CDC42SE2: variants seen among roughly 807,000 people sequenced by gnomAD.
The protein encoded by CDC42SE2 is CDC42 small effector protein 2.
In CDC42SE2, 3 loss-of-function variants were observed where a neutral mutation model predicts 11.5. The observed-to-expected ratio is 0.26, with a 90% CI of 0.12 to 0.67. The LOEUF is 0.67. Ranked by LOEUF, CDC42SE2 falls within the 30% of genes least tolerant of loss-of-function variation. The probability of loss-of-function intolerance (pLI) is 0.80; values close to 1 mark genes in which losing one functional copy is unlikely to be tolerated. For missense variants in CDC42SE2, 82 were observed against 106.8 expected, an observed-to-expected ratio of 0.77 and a Z score of 1.02; for synonymous variants, 33 against 34.8, an observed-to-expected ratio of 0.95 and a Z score of 0.18.
At chr5:131,218,013 A>G in the CDC42SE2 span, among the ~76,000 whole-genome samples, 1 of 152,116 alleles carries the variant, frequency 6.6e-6, no homozygotes, top group Admixed American at 6.5e-5. Flanking sequence ...TGTCCCTACA[A>G]AAATTGCAAA....
At position 131,393,436 on chromosome 5, in the gene CDC42SE2, A is replaced by T. The variant is rs1403216370; in HGVS notation, c.*2345A>T. 2 of 152,370 alleles carry T rather than the reference A, an allele frequency of 1.3e-5. No individual in the cohort carries two copies. Among genetic ancestry groups the T allele is most frequent in the East Asian group, 3.7e-4 (2 of 5,334 alleles). 9.4% of individuals were successfully genotyped at this position (152,370 alleles called of 1,614,324 possible). ...GCACAGAGAGGATCTGCCAAGGAAAAACATTTGCATCTTCGGAGTAGACAT... is the reference window on the plus strand; with the variant it reads ...GCACAGAGAGGATCTGCCAAGGAAATACATTTGCATCTTCGGAGTAGACAT... On this transcript the variant is annotated 3_prime_UTR_variant, in exon 5 of 5. Coordinates refer to ENST00000505065, the MANE Select transcript of CDC42SE2 (RefSeq NM_001375635.1).
intron 1 of CDC42SE2, among the ~76,000 whole-genome samples, chr5:131,313,290 C>T (rs189761154): frequency 1.3e-3 from 204 of 152,162 alleles, no homozygotes; most frequent in Non-Finnish European, 2.2e-3. Flanking sequence ...CCCCTCTCTT[C>T]TTCCTTTTCT....
chr5:131,348,793 G>T (rs937598353), intron 2 of CDC42SE2, among the ~76,000 whole-genome samples: 2 of 152,056 alleles, frequency 1.3e-5, no homozygotes, highest in African/African-American at 2.4e-5. Flanking sequence ...CCAAAACAAA[G>T]ATATAGACCA....
chr5:131,262,618 T>G (rs1209178454), upstream of CDC42SE2, among the ~76,000 whole-genome samples: 1 of 152,142 alleles, frequency 6.6e-6, no homozygotes, highest in African/African-American at 2.4e-5. Flanking sequence ...GGATTGGCTC[T>G]AGGACCACGA....
chr5:131,343,232 G>A (rs1392696641), intron 2 of CDC42SE2, among the ~76,000 whole-genome samples: 2 of 151,966 alleles, frequency 1.3e-5, no homozygotes, highest in Non-Finnish European at 2.9e-5. Context: ...GAGGTGCCAG[G>A]AGACTGCAAG....
intron 3 of CDC42SE2, among the ~76,000 whole-genome samples, chr5:131,369,902 T>C (rs1455186129): frequency 6.6e-6 from 1 of 152,254 alleles, no homozygotes; most frequent in South Asian, 2.1e-4. Context: ...TTTGTTTTTA[T>C]GTTTAATTTC....
At chr5:131,225,214 A>G in the CDC42SE2 span, among the ~76,000 whole-genome samples, 1 of 152,168 alleles carries the variant, frequency 6.6e-6, no homozygotes, top group Non-Finnish European at 1.5e-5. Context: ...AACCTCTAAA[A>G]ACCCTGGAGA....
chr5:131,359,525 G>T lies in CDC42SE2; in HGVS notation c.32G>T (p.Cys11Phe). 1 of 1,613,364 alleles carries T rather than the reference G, an allele frequency of 6.2e-7. No individual in the cohort carries two copies. Among genetic ancestry groups the T allele is most frequent in the Admixed American group, 1.7e-5 (1 of 60,012 alleles). The change falls in exon 3 of 5, where the codon TGT becomes TTT. Residue 11 changes from cysteine (C) to phenylalanine (F), a missense_variant. By Grantham distance (205) the Cys-to-Phe change is radical (BLOSUM62 -2). Transcript: ENST00000505065. ...GAATTCTGGTTGTGTTTCAACTGCTGTATTGCAGAACAGCCTCAGCCTGTA... is the reference window on the plus strand; with the variant it reads ...GAATTCTGGTTGTGTTTCAACTGCTTTATTGCAGAACAGCCTCAGCCTGTA... The part of the protein sequence containing the change: MSEFWLCFNC[C>F]IAEQPQPKRR...
intron 3 of CDC42SE2, among the ~76,000 whole-genome samples, chr5:131,374,549 AAGTT>A (rs1750097053): frequency 1.3e-5 from 2 of 150,862 alleles, no homozygotes; most frequent in Admixed American, 6.6e-5. Context: ...AAAAAAAAAA[AAGTT>A]AAGCAGACAT....
chr5:131,336,010 TATG>T (rs1402339903), intron 2 of CDC42SE2, among the ~76,000 whole-genome samples: 1 of 152,240 alleles, frequency 6.6e-6, no homozygotes, highest in African/African-American at 2.4e-5. Flanking sequence ...ATCCTGTCGT[TATG>T]ATGTTAGCTG....
chr5:131,292,203 C>T (rs547687198), intron 1 of CDC42SE2, among the ~76,000 whole-genome samples: 1 of 132,568 alleles, frequency 7.5e-6, no homozygotes, highest in African/African-American at 3.0e-5. Flanking sequence ...TGTACCACTG[C>T]ACTCCAGCCT....
At chr5:131,380,610 G>A (rs1199979114) in intron 3 of CDC42SE2, among the ~76,000 whole-genome samples, 2 of 151,888 alleles carry the variant, frequency 1.3e-5, no homozygotes, top group Non-Finnish European at 2.9e-5. Context: ...ACTTCCACCT[G>A]TGTCTAGATC....
chr5:131,270,433 T>G (rs1446115335), intron 1 of CDC42SE2, among the ~76,000 whole-genome samples: 2 of 152,216 alleles, frequency 1.3e-5, no homozygotes, highest in Non-Finnish European at 2.9e-5. Flanking sequence ...TTCATTTGAC[T>G]TAATAAAACT....
chr5:131,292,387 G>T (rs1222299856), intron 1 of CDC42SE2, among the ~76,000 whole-genome samples: 1 of 147,376 alleles, frequency 6.8e-6, no homozygotes, highest in Admixed American at 6.8e-5. Flanking sequence ...GGCCAACATG[G>T]TGAAAACCCA....
intron 3 of CDC42SE2, among the ~76,000 whole-genome samples, chr5:131,361,631 A>G (rs537837260): frequency 1.3e-4 from 20 of 152,182 alleles, no homozygotes; most frequent in Non-Finnish European, 1.8e-4. Context: ...GGCTTTCTGT[A>G]TCCTGGGTTC....
At chr5:131,338,238 A>G (rs1191703724) in intron 2 of CDC42SE2, among the ~76,000 whole-genome samples, 1 of 152,244 alleles carries the variant, frequency 6.6e-6, no homozygotes, top group South Asian at 2.1e-4. Flanking sequence ...ACACCAGCAC[A>G]TGGCAGTCCT....
chr5:131,245,060 T>C (rs763236983), upstream of CDC42SE2, among the ~76,000 whole-genome samples: 21 of 152,000 alleles, frequency 1.4e-4, no homozygotes, highest in African/African-American at 2.7e-4. Context: ...AACCAACCAA[T>C]AGACTGGTGG....
intron 2 of CDC42SE2, among the ~76,000 whole-genome samples, chr5:131,336,578 T>C (rs1031957520): frequency 6.6e-6 from 1 of 152,252 alleles, no homozygotes; most frequent in Non-Finnish European, 1.5e-5. Flanking sequence ...TCCAACTTGG[T>C]TCCATTCTCC....
intron 3 of CDC42SE2, among the ~76,000 whole-genome samples, chr5:131,372,662 G>A (rs1750043921): frequency 6.6e-6 from 1 of 151,596 alleles, no homozygotes; most frequent in Non-Finnish European, 1.5e-5. Flanking sequence ...GCAGTGAGCC[G>A]AGATCACGCC....
Sources: gnomAD v4.1 joint callset for allele counts (sites outside exome capture counted in the v4.1 genomes callset) on GRCh38, gnomAD v4.1.1 for gene constraint, MANE v1.5 for transcripts, NCBI Gene and HGNC (gene_info 2026-07-23, HGNC 2026-07-21) for gene names.